Variants in NKAIN2 observed in about 807,000 individuals in gnomAD.
NKAIN2 encodes the protein sodium/potassium-transporting ATPase subunit beta-1-interacting protein 2.
A neutral mutation model predicts 32.6 loss-of-function variants in NKAIN2; 14 were observed. That is an observed-to-expected ratio of 0.43 (90% CI 0.28 to 0.67). NKAIN2 has a LOEUF of 0.67. Among genes scored for constraint, NKAIN2 ranks in the 30% least tolerant of loss-of-function variants. The pLI is 0.17. For missense variants in NKAIN2, 198 were observed against 258.3 expected, an observed-to-expected ratio of 0.77 and a Z score of 1.60; for synonymous variants, 80 against 87.2, an observed-to-expected ratio of 0.92 and a Z score of 0.46.
chr6:124,227,785 C>T (rs1166744299), intron 1 of NKAIN2, among the ~76,000 whole-genome samples: 2 of 152,098 alleles, frequency 1.3e-5, no homozygotes, highest in African/African-American at 2.4e-5. Context: ...TAACTGAGGG[C>T]AGATGGGCCT....
intron 1 of NKAIN2, among the ~76,000 whole-genome samples, chr6:124,275,673 T>G (rs777318928): frequency 6.6e-6 from 1 of 152,130 alleles, no homozygotes; most frequent in African/African-American, 2.4e-5. Context: ...TACTTGAGGT[T>G]ATTTAGGAAT....
In NKAIN2 at chr6:124,645,522, G is replaced by A. The variant is rs149801499; in HGVS notation, c.274-12664G>A. ...CCCAGTTCAGCCCCAAAATGCTGTGGTTTGGTGCCTAATAATAAGAAGACT... is the reference window on the plus strand; with the variant it reads ...CCCAGTTCAGCCCCAAAATGCTGTGATTTGGTGCCTAATAATAAGAAGACT... On this transcript the variant is annotated intron_variant, in intron 3 of 6. Coordinates refer to ENST00000368417, the MANE Select transcript of NKAIN2 (RefSeq NM_001040214.3). Among the ~76,000 whole-genome samples, 222 of 152,282 alleles carry A rather than the reference G, an allele frequency of 1.5e-3. 3 individuals are homozygous for A. In the East Asian group the frequency reaches 0.038, roughly 26 times the overall value.
intron 3 of NKAIN2, among the ~76,000 whole-genome samples, chr6:124,620,749 A>C (rs530104637): frequency 2.0e-5 from 3 of 152,326 alleles, no homozygotes; most frequent in African/African-American, 7.2e-5. Context: ...CTAATAAAAT[A>C]ACAAGCTCAA....
At chr6:124,225,746 G>A (rs141034466) in intron 1 of NKAIN2, among the ~76,000 whole-genome samples, 1 of 151,980 alleles carries the variant, frequency 6.6e-6, no homozygotes, top group African/African-American at 2.4e-5. Flanking sequence ...ACCTCTACAA[G>A]TTTGTAGAGT....
chr6:124,439,907 G>T (rs1197500256), intron 3 of NKAIN2, among the ~76,000 whole-genome samples: 3 of 151,910 alleles, frequency 2.0e-5, no homozygotes, highest in Non-Finnish European at 4.4e-5. Flanking sequence ...CAGGAAGCCT[G>T]CTCTGAAGAT....
At chr6:124,238,255 C>A in intron 1 of NKAIN2, among the ~76,000 whole-genome samples, 1 of 151,850 alleles carries the variant, frequency 6.6e-6, no homozygotes, top group East Asian at 1.9e-4. Flanking sequence ...CGGGAGCTTT[C>A]AAGATGAAAG....
chr6:123,923,409 C>G (rs1433197943), intron 1 of NKAIN2, among the ~76,000 whole-genome samples: 6 of 151,208 alleles, frequency 4.0e-5, no homozygotes, highest in African/African-American at 1.2e-4. Context: ...GTAAAGAAAG[C>G]CTTTGTTGCA....
intron 3 of NKAIN2, among the ~76,000 whole-genome samples, chr6:124,398,528 T>A (rs1773493344): frequency 6.6e-6 from 1 of 152,070 alleles, no homozygotes; most frequent in Admixed American, 6.5e-5. Flanking sequence ...AATTGCAAGC[T>A]CATACTCACA....
intron 3 of NKAIN2, among the ~76,000 whole-genome samples, chr6:124,454,313 C>A (rs1010459537): frequency 2.0e-5 from 3 of 151,854 alleles, no homozygotes; most frequent in Non-Finnish European, 4.4e-5. Flanking sequence ...ACATTAAATC[C>A]TCTGAGTATA....
At chr6:123,919,053 G>T (rs1775625561) in intron 1 of NKAIN2, among the ~76,000 whole-genome samples, 1 of 151,970 alleles carries the variant, frequency 6.6e-6, no homozygotes, top group South Asian at 2.1e-4. Flanking sequence ...TTTCTCTGGA[G>T]AACCCTGACT....
intron 3 of NKAIN2, among the ~76,000 whole-genome samples, chr6:124,368,675 G>C (rs1799623895): frequency 6.6e-6 from 1 of 152,076 alleles, no homozygotes; most frequent in Non-Finnish European, 1.5e-5. Flanking sequence ...AATCAGAGTT[G>C]TTTGAAACTT....
intron 1 of NKAIN2, among the ~76,000 whole-genome samples, chr6:123,992,928 A>G (rs542141663): frequency 6.6e-6 from 1 of 152,332 alleles, no homozygotes; most frequent in East Asian, 1.9e-4. Flanking sequence ...CCATAAACTT[A>G]GTCATATTAT....
chr6:124,376,956 T>A (rs1800018728), intron 3 of NKAIN2, among the ~76,000 whole-genome samples: 1 of 152,148 alleles, frequency 6.6e-6, no homozygotes, highest in Non-Finnish European at 1.5e-5. Flanking sequence ...AAAATATTCT[T>A]GATGAAGGAA....
At chr6:124,320,369 C>T (rs1797125086) in intron 2 of NKAIN2, among the ~76,000 whole-genome samples, 1 of 152,066 alleles carries the variant, frequency 6.6e-6, no homozygotes. Context: ...AGATATGTTT[C>T]TTCTTTGAAA....
At chr6:124,693,131 G>C (rs996440842) in intron 4 of NKAIN2, among the ~76,000 whole-genome samples, 4 of 152,142 alleles carry the variant, frequency 2.6e-5, no homozygotes, top group African/African-American at 9.7e-5. Flanking sequence ...TCCTGCCTTG[G>C]GGAGTACATT....
Position 123,853,732 on chromosome 6 carries a change from A to T in NKAIN2, c.54+49478A>T, listed in dbSNP as rs1007461977. 7.2e-5 allele frequency among the ~76,000 whole-genome samples: 11 copies of T among 152,176 alleles called. No individual in the cohort carries two copies. The East Asian group carries it at 2.1e-3, about 29-fold the overall frequency. On this transcript the variant is annotated intron_variant, in intron 1 of 6. Coordinates refer to ENST00000368417, the MANE Select transcript of NKAIN2 (RefSeq NM_001040214.3). ...TTCATTTATGTGATTTCTAATATTT[A>T]TCTGCAGTTTACATTTGAATGAAAT...
At chr6:124,199,879 T>C (rs1790517103) in intron 1 of NKAIN2, among the ~76,000 whole-genome samples, 1 of 152,090 alleles carries the variant, frequency 6.6e-6, no homozygotes. Context: ...AACCTAAACT[T>C]GGAGAAACAA....
chr6:124,409,375 A>C (rs200443007), intron 3 of NKAIN2, among the ~76,000 whole-genome samples: 30,801 of 151,348 alleles, frequency 0.2, 3,613 homozygotes, highest in Non-Finnish European at 0.27. Context: ...CCCATCAATA[A>C]CTAATTTATT....
intron 2 of NKAIN2, among the ~76,000 whole-genome samples, chr6:124,354,427 G>A (rs1798875665): frequency 6.6e-6 from 1 of 152,076 alleles, no homozygotes; most frequent in Non-Finnish European, 1.5e-5. Context: ...ATTATAGAAG[G>A]TACACTAGAG....
Sources: gnomAD v4.1 joint callset for allele counts (sites outside exome capture counted in the v4.1 genomes callset) on GRCh38, gnomAD v4.1.1 for gene constraint, MANE v1.5 for transcripts, NCBI Gene and HGNC (gene_info 2026-07-23, HGNC 2026-07-21) for gene names.